Variants in ARID3B observed in about 807,000 individuals in gnomAD.
The protein encoded by ARID3B is AT-rich interactive domain-containing protein 3B.
ARID3B carries 10 observed loss-of-function variants against 51.9 expected under a neutral mutation model. The ratio of observed to expected loss-of-function variants is 0.19; its 90% CI spans 0.12 to 0.33. The LOEUF (loss-of-function observed/expected upper bound fraction) is 0.33. Ranked by LOEUF, ARID3B falls within the 10% of genes least tolerant of loss-of-function variation. The pLI, the probability that ARID3B is intolerant of heterozygous loss-of-function variation, is 1.00. For synonymous variants in ARID3B, 205 were observed against 279.5 expected, an observed-to-expected ratio of 0.73 and a Z score of 2.66; for missense variants, 483 against 716.3, an observed-to-expected ratio of 0.67 and a Z score of 3.72.
intron 2 of ARID3B, among the ~76,000 whole-genome samples, chr15:74,570,267 G>A (rs2061714288): frequency 1.3e-5 from 2 of 152,060 alleles, no homozygotes; most frequent in South Asian, 2.1e-4. Flanking sequence ...GTGGAGCCGA[G>A]CGCTCACACT....
rs75623696 is a variant in ARID3B, at chr15:74,565,502, G to A, written c.553-7360G>A. 3.0e-3 allele frequency among the ~76,000 whole-genome samples: 460 copies of A among 152,308 alleles called. 13 individuals are homozygous for A. The East Asian group carries it at 0.075, about 25-fold the overall frequency. On this transcript the variant is annotated intron_variant, in intron 2 of 8. Coordinates refer to ENST00000346246, the MANE Select transcript of ARID3B (RefSeq NM_006465.4). ...TCAGCCCCTGGGCTTTAAACCCCAAGGAAGGGTTAACCCTTGCCTTGGGGA... is the reference window on the plus strand; with the variant it reads ...TCAGCCCCTGGGCTTTAAACCCCAAAGAAGGGTTAACCCTTGCCTTGGGGA...
chr15:74,590,485 G>A (rs750997632), intron 5 of ARID3B, among the ~76,000 whole-genome samples: 5 of 152,206 alleles, frequency 3.3e-5, no homozygotes, highest in Non-Finnish European at 5.9e-5. Flanking sequence ...AGAAAGGCAG[G>A]CAGGAAGGCC....
At chr15:74,559,034 C>T (rs777473797) in intron 2 of ARID3B, among the ~76,000 whole-genome samples, 10 of 152,116 alleles carry the variant, frequency 6.6e-5, no homozygotes, top group Admixed American at 2.0e-4. Context: ...CAGTTTATGG[C>T]GGGCCATGTA....
chr15:74,547,753 A>T (rs1383376028), intron 2 of ARID3B, among the ~76,000 whole-genome samples: 2 of 152,246 alleles, frequency 1.3e-5, no homozygotes, highest in Non-Finnish European at 2.9e-5. Flanking sequence ...TTTGTTTCAA[A>T]CATTCACATG....
intron 2 of ARID3B, among the ~76,000 whole-genome samples, chr15:74,556,912 C>T (rs76075806): frequency 3.3e-5 from 5 of 151,340 alleles, no homozygotes; most frequent in Admixed American, 6.6e-5. Context: ...GTAGCTGGGA[C>T]TACAGGCGTG....
chr15:74,582,223 A>G (rs1238834615), intron 4 of ARID3B, among the ~76,000 whole-genome samples: 1 of 150,744 alleles, frequency 6.6e-6, no homozygotes, highest in African/African-American at 2.4e-5. Context: ...GCTGGAGTGC[A>G]GTGGCGCGAT....
intron 1 of ARID3B, among the ~76,000 whole-genome samples, chr15:74,542,705 G>A (rs183970026): frequency 6.6e-6 from 1 of 152,338 alleles, no homozygotes; most frequent in East Asian, 1.9e-4. Context: ...CTTCTTTCAT[G>A]TGATGACAAA....
chr15:74,572,118 A>G (rs2061721111), intron 2 of ARID3B, among the ~76,000 whole-genome samples: 1 of 147,916 alleles, frequency 6.8e-6, no homozygotes, highest in Admixed American at 6.8e-5. Context: ...TCAGAAAAAG[A>G]AAAAAAAAAA....
chr15:74,593,045 G>C, intron 7 of ARID3B, 93 bp from the exon 8 acceptor site: 1 of 1,085,818 alleles, frequency 9.2e-7, no homozygotes, highest in Non-Finnish European at 1.4e-6. Flanking sequence ...ACAGCGTGAG[G>C]CTTTGACCAG....
intron 4 of ARID3B, among the ~76,000 whole-genome samples, chr15:74,577,230 G>A (rs538032075): frequency 1.3e-3 from 201 of 152,126 alleles, no homozygotes; most frequent in Non-Finnish European, 2.4e-3. Flanking sequence ...AGCACTTTGG[G>A]AGGCCTAGGT....
chr15:74,557,394 G>A (rs1424726910), intron 2 of ARID3B, among the ~76,000 whole-genome samples: 1 of 151,834 alleles, frequency 6.6e-6, no homozygotes, highest in Non-Finnish European at 1.5e-5. Flanking sequence ...CAGCCTGGAT[G>A]AGAGTGAGAC....
chr15:74,590,244 C>G (rs1166709461), intron 5 of ARID3B, among the ~76,000 whole-genome samples: 2 of 152,202 alleles, frequency 1.3e-5, no homozygotes, highest in Non-Finnish European at 2.9e-5. Flanking sequence ...ACAGTCAACC[C>G]TGTAAAGTAG....
chr15:74,576,446 G>A (rs1301824150), intron 4 of ARID3B, among the ~76,000 whole-genome samples: 1 of 152,108 alleles, frequency 6.6e-6, no homozygotes, highest in African/African-American at 2.4e-5. Flanking sequence ...GGCTGAGGTG[G>A]GAGGCTCAGG....
intron 2 of ARID3B, among the ~76,000 whole-genome samples, chr15:74,549,081 TTTTC>T (rs1334995943): frequency 6.6e-6 from 1 of 151,536 alleles, no homozygotes; most frequent in African/African-American, 2.4e-5. Flanking sequence ...CTTTCTTTTT[TTTTC>T]TTTTTTTTTA....
intron 2 of ARID3B, among the ~76,000 whole-genome samples, chr15:74,556,425 CAGATGTA>C (rs1236524543): frequency 6.6e-6 from 1 of 152,184 alleles, no homozygotes; most frequent in Non-Finnish European, 1.5e-5. Flanking sequence ...ATCACCATAA[CAGATGTA>C]ATAATTTTTT....
chr15:74,560,202 C>CA lies in ARID3B; in HGVS notation c.553-12646dup, dbSNP rs111830189. On this transcript the variant is annotated intron_variant, in intron 2 of 8. Transcript: ENST00000346246. ...CCTGGGCAACAGAGCAAGACTGTCT[C>CA]AAAAAAAAAAAAAATTTATATACAA... Among the ~76,000 whole-genome samples the CA allele has an allele frequency of 2.9e-3, 370 of 129,324 alleles. 3 individuals carry two copies. Among genetic ancestry groups the CA allele is most frequent in the Middle Eastern group, 7.6e-3 (2 of 264 alleles). The allele number at this position is 129,324 out of a possible 152,430, so 84.8% of individuals were successfully genotyped here.
chr15:74,542,153 T>G (rs1177334862), intron 1 of ARID3B, among the ~76,000 whole-genome samples: 1 of 152,202 alleles, frequency 6.6e-6, no homozygotes, highest in African/African-American at 2.4e-5. Flanking sequence ...ATTCCGATCG[T>G]GATTGATTGA....
At position 74,591,571 on chromosome 15, in the gene ARID3B, C is replaced by A. The variant is rs754188986; in HGVS notation, c.1177C>A (p.Pro393Thr). 1.9e-6 allele frequency: 3 copies of A among 1,610,838 alleles called. No individual in the cohort carries two copies. The Admixed American group carries it at 5.0e-5, about 27-fold the overall frequency. Residue 393 changes from proline to threonine, a missense_variant, in exon 7 of 9, where the codon CCA (proline) becomes ACA (threonine). Transcript: ENST00000346246. This position sits in a 1 kb window ranked among gnomAD's most constrained non-coding sequence, Gnocchi z 5.8. ...ATTLRKGDGA[P>T]VTTVPVPNRL... ...CAGTTCCTTTGCAGGTGATGGAGCC[C>A]CAGTGACAACAGTGCCTGTGCCAAA... is the stretch of plus-strand genomic sequence containing the variant.
At position 74,589,948 on chromosome 15, in the gene ARID3B, A is replaced by G; in HGVS notation, c.826A>G (p.Lys276Glu). ...CAAGAAGATCTGGAGGGAGATCACC[A>G]AAGGCCTAAACCTGCCCACATCCAT... ...INKKIWREIT[K>E]GLNLPTSITS... Residue 276 changes from lysine (K) to glutamate (E), a missense_variant, in exon 5 of 9, where the codon AAA becomes GAA. Physicochemically the swap from Lys to Glu is moderately conservative, Grantham distance 56. Coordinates refer to ENST00000346246, the MANE Select transcript of ARID3B (RefSeq NM_006465.4). The G allele has an allele frequency of 6.2e-7, 1 of 1,614,068 alleles. No individual in the cohort carries two copies. Among genetic ancestry groups the G allele is most frequent in the Non-Finnish European group, 8.5e-7 (1 of 1,179,974 alleles).
Sources: allele counts gnomAD v4.1 joint callset (sites outside exome capture counted in the v4.1 genomes callset), GRCh38; gene constraint gnomAD v4.1.1; non-coding constraint Gnocchi (gnomAD v3.1); transcripts MANE v1.5; gene names NCBI Gene and HGNC (gene_info 2026-07-23, HGNC 2026-07-21).